Variants in NCOA2 observed in about 807,000 individuals in gnomAD.
The protein encoded by NCOA2 is nuclear receptor coactivator 2.
In NCOA2, 21 loss-of-function variants were observed where a neutral mutation model predicts 145.1. The ratio of observed to expected loss-of-function variants is 0.14; its 90% CI spans 0.10 to 0.21. NCOA2 has a LOEUF of 0.21. Ranked by LOEUF, NCOA2 falls within the 10% of genes least tolerant of loss-of-function variation. The probability of loss-of-function intolerance (pLI) is 1.00; values close to 1 mark genes in which losing one functional copy is unlikely to be tolerated. For synonymous variants in NCOA2, 619 were observed against 637.5 expected (o/e 0.97, Z 0.44); for missense variants, 1,472 against 1,837.6 (o/e 0.80, Z 3.64).
Position 70,159,662 on chromosome 8 carries a change from A to G in NCOA2, c.977-10T>C, listed in dbSNP as rs776743577. 1.2e-6 allele frequency: 2 copies of G among 1,603,792 alleles called. No homozygotes were observed. The highest frequency in any genetic ancestry group is 2.2e-5 in the East Asian group (1 of 44,714). Reference sequence around the variant, plus strand: ...AATCCTTGTCTCAGTACTGCAGGCAAGCAAGGAAACAGAAGGCACGTTTAG... The same window carrying G: ...AATCCTTGTCTCAGTACTGCAGGCAGGCAAGGAAACAGAAGGCACGTTTAG... On this transcript the variant is annotated splice_polypyrimidine_tract_variant and intron_variant, in intron 9 of 22. Transcript: ENST00000452400.
upstream of NCOA2, among the ~76,000 whole-genome samples, chr8:70,405,447 T>TTG (rs1814734733): frequency 7.8e-6 from 1 of 127,564 alleles, no homozygotes; most frequent in East Asian, 2.2e-4. Flanking sequence ...GTTTTTTTTT[T>TTG]TTTTTTTTTT....
At chr8:70,153,724 T>TG (rs1460538782) in intron 11 of NCOA2, among the ~76,000 whole-genome samples, 1 of 152,186 alleles carries the variant, frequency 6.6e-6, no homozygotes, top group African/African-American at 2.4e-5. Flanking sequence ...CACTTACAGG[T>TG]GTTAATATGG....
chr8:70,175,252 A>G (rs1814697533), intron 4 of NCOA2, among the ~76,000 whole-genome samples: 2 of 152,264 alleles, frequency 1.3e-5, no homozygotes, highest in Admixed American at 1.3e-4. Context: ...GCATAATCAC[A>G]GATAGATTTG....
At chr8:70,378,743 T>TAAA (rs10672044) in intron 1 of NCOA2, among the ~76,000 whole-genome samples, 8,517 of 109,576 alleles carry the variant, frequency 0.078, 360 homozygotes, top group South Asian at 0.13. Context: ...TAGGCTATGC[T>TAAA]AAAAAAAAAA....
intron 1 of NCOA2, among the ~76,000 whole-genome samples, chr8:70,376,369 G>A (rs551221747): frequency 8.8e-5 from 13 of 147,312 alleles, no homozygotes; most frequent in East Asian, 3.9e-4. Context: ...ACACACACAC[G>A]CACACACACA....
intron 4 of NCOA2, among the ~76,000 whole-genome samples, chr8:70,189,042 C>T (rs956839313): frequency 3.3e-5 from 5 of 152,122 alleles, no homozygotes; most frequent in African/African-American, 1.2e-4. Flanking sequence ...GATTTTCTTT[C>T]TCTTCTTTTC....
At position 70,124,935 on chromosome 8, in the gene NCOA2, GA is replaced by G. The variant is rs111536218; in HGVS notation, c.3917-71del. ...TTATATTGTAGAGACTGGTGGGGGG[GA>G]AAGAACATTCCAAATTAGGCATGCA... On this transcript the variant is annotated intron_variant, in intron 19 of 22. Coordinates refer to ENST00000452400, the MANE Select transcript of NCOA2 (RefSeq NM_006540.4). The G allele has an allele frequency of 7.2e-4, 984 of 1,372,220 alleles. 10 individuals carry two copies. In the African/African-American group the frequency reaches 0.013, roughly 18 times the overall value. The allele number at this position is 1,372,220 out of a possible 1,614,324, so 85.0% of individuals were successfully genotyped here.
At chr8:70,288,691 T>C (rs1350309731) in intron 2 of NCOA2, among the ~76,000 whole-genome samples, 2 of 152,034 alleles carry the variant, frequency 1.3e-5, no homozygotes, top group Non-Finnish European at 2.9e-5. Context: ...ATTTAGGATA[T>C]GTTAAAAATA....
At chr8:70,256,455 T>C (rs1248170887) in intron 2 of NCOA2, among the ~76,000 whole-genome samples, 1 of 152,170 alleles carries the variant, frequency 6.6e-6, no homozygotes, top group East Asian at 1.9e-4. Context: ...GGTCAAACCA[T>C]GAAGAAGCAG....
chr8:70,451,256 A>AT, the NCOA2 span, among the ~76,000 whole-genome samples: 1 of 141,334 alleles, frequency 7.1e-6, no homozygotes, highest in African/African-American at 2.7e-5. Context: ...ATATATATAT[A>AT]AATTAGCCAG....
At chr8:70,442,133 A>AAGAT in the NCOA2 span, among the ~76,000 whole-genome samples, 1 of 122,830 alleles carries the variant, frequency 8.1e-6, no homozygotes, top group Non-Finnish European at 1.6e-5. Context: ...GAAAGAAAGA[A>AAGAT]AGAAAGAAAG....
chr8:70,184,226 G>A (rs1337605851), intron 4 of NCOA2, among the ~76,000 whole-genome samples: 1 of 152,134 alleles, frequency 6.6e-6, no homozygotes, highest in African/African-American at 2.4e-5. Flanking sequence ...CCTGAGCCAC[G>A]AAGTTTAAAA....
the NCOA2 span, among the ~76,000 whole-genome samples, chr8:70,440,771 G>GA: frequency 7.0e-6 from 1 of 142,794 alleles, no homozygotes. Context: ...GGAAAGAAAG[G>GA]AAAGAAAGAA....
intron 2 of NCOA2, among the ~76,000 whole-genome samples, chr8:70,275,831 C>A (rs1368005173): frequency 1.3e-5 from 2 of 152,148 alleles, no homozygotes; most frequent in Non-Finnish European, 2.9e-5. Flanking sequence ...CACTGAAAAT[C>A]TTGTGTCATA....
chr8:70,259,309 G>C (rs541391639), intron 2 of NCOA2, among the ~76,000 whole-genome samples: 1 of 152,090 alleles, frequency 6.6e-6, no homozygotes, highest in Non-Finnish European at 1.5e-5. Context: ...GGACAAAAAA[G>C]TAGAAAACTA....
At chr8:70,354,346 A>G (rs1419014637) in intron 1 of NCOA2, among the ~76,000 whole-genome samples, 1 of 152,210 alleles carries the variant, frequency 6.6e-6, no homozygotes, top group African/African-American at 2.4e-5. Flanking sequence ...GGCTTAAGTT[A>G]TCTCAGAGGA....
intron 2 of NCOA2, among the ~76,000 whole-genome samples, chr8:70,245,631 G>A (rs541549506): frequency 6.6e-6 from 1 of 151,936 alleles, no homozygotes; most frequent in Admixed American, 6.6e-5. Context: ...ACATACGCAT[G>A]TCTAAAATTA....
chr8:70,184,101 TG>T (rs1585998295), intron 4 of NCOA2, among the ~76,000 whole-genome samples: 1 of 152,158 alleles, frequency 6.6e-6, no homozygotes, highest in Non-Finnish European at 1.5e-5. Context: ...TAGGTAGAGA[TG>T]GGATGAGAAA....
chr8:70,299,082 C>CA (rs995798475), intron 1 of NCOA2, among the ~76,000 whole-genome samples: 8 of 151,278 alleles, frequency 5.3e-5, no homozygotes, highest in Non-Finnish European at 1.0e-4. Context: ...AACAAACAAA[C>CA]AAAAAAAACC....
Sources: gnomAD v4.1 joint callset for allele counts (sites outside exome capture counted in the v4.1 genomes callset) on GRCh38, gnomAD v4.1.1 for gene constraint, MANE v1.5 for transcripts, NCBI Gene and HGNC (gene_info 2026-07-23, HGNC 2026-07-21) for gene names.